The following ARAF variants were observed in gnomAD, a reference collection of about 807,000 sequenced individuals.
The protein encoded by ARAF is A-Raf proto-oncogene, serine/threonine kinase.
A neutral mutation model predicts 48.0 loss-of-function variants in ARAF; 18 were observed. The ratio of observed to expected loss-of-function variants is 0.37; its 90% CI spans 0.26 to 0.56. ARAF has a LOEUF of 0.56. ARAF is among the 20% of genes least tolerant of loss of function. ARAF has a pLI of 0.77. For missense variants in ARAF, 389 were observed against 543.1 expected (o/e 0.72, Z 2.82); for synonymous variants, 207 against 220.1 (o/e 0.94, Z 0.53).
At chrX:47,566,583 G>A (rs1176946964) in intron 6 of ARAF, 56 bp from the exon 7 acceptor site, 4 of 1,102,304 alleles carry the variant, frequency 3.6e-6, no homozygotes, top group East Asian at 3.2e-5. Context: ...GTGGGGTGGG[G>A]GGCTTTCTCG....
chrX:47,566,968 T>A lies in ARAF; in HGVS notation c.728-18T>A. On this transcript the variant is annotated intron_variant, in intron 8 of 15. Transcript: ENST00000377045. Reference sequence around the variant, plus strand: ...GCTGCCCCACTTACCTCCACTCACATCCTCTCTGCAACTGCAGCTGCCGGT... The same window carrying A: ...GCTGCCCCACTTACCTCCACTCACAACCTCTCTGCAACTGCAGCTGCCGGT... The A allele has an allele frequency of 8.3e-7, 1 of 1,210,985 alleles. No individual in the cohort carries two copies.
chrX:47,565,376 G>C (rs780124992), intron 6 of ARAF, 26 bp downstream of exon 6: 2 of 1,198,189 alleles, frequency 1.7e-6, no homozygotes, highest in East Asian at 6.0e-5. Context: ...CTGAAGAGCT[G>C]CTGGGGGAGA....
At position 47,562,897 on chromosome X, in the gene ARAF, G is replaced by A. The variant is rs758823877; in HGVS notation, c.-59-12G>A. 2.4e-6 allele frequency: 2 copies of A among 831,170 alleles called. No homozygotes were observed. The highest frequency in any genetic ancestry group is 5.2e-5 in the South Asian group (2 of 38,185). 68.5% of individuals were successfully genotyped at this position (831,170 alleles called of 1,213,427 possible). A position where few individuals can be genotyped will look rare whatever the true frequency, so the allele number is the denominator to read the frequency against. On this transcript the variant is annotated splice_polypyrimidine_tract_variant and intron_variant, in intron 1 of 15. Coordinates refer to ENST00000377045, the MANE Select transcript of ARAF (RefSeq NM_001654.5). ...TTATTGGACCTCTGAATTCTTGTCTGCCTTCTTGTAGGAGCCCCATGGCAC... is the reference window on the plus strand; with the variant it reads ...TTATTGGACCTCTGAATTCTTGTCTACCTTCTTGTAGGAGCCCCATGGCAC...
At chrX:47,571,149 A>G in intron 15 of ARAF, 137 bp downstream of exon 15, 1 of 917,872 alleles carries the variant, frequency 1.1e-6, no homozygotes, top group Middle Eastern at 3.5e-4. Context: ...GTGTTTCACC[A>G]TGAGGCTGGG....
At chrX:47,570,777 C>A in intron 14 of ARAF, 101 bp from the exon 15 acceptor site, 1 of 867,395 alleles carries the variant, frequency 1.2e-6, no homozygotes, top group Non-Finnish European at 1.6e-6. Context: ...AGTACCCCAG[C>A]TCGCTAAAAA....
intron 15 of ARAF, 119 bp from the exon 16 acceptor site, chrX:47,571,204 G>C (rs1603048303): frequency 6.0e-6 from 6 of 1,006,302 alleles, no homozygotes; most frequent in East Asian, 6.5e-5. Flanking sequence ...ATGAGGCTGG[G>C]ACTGTTGGGT....
chrX:47,561,973 C>A (rs763811160), intron 1 of ARAF, among the ~76,000 whole-genome samples: 8 of 95,918 alleles, frequency 8.3e-5, no homozygotes, highest in East Asian at 3.7e-4. Flanking sequence ...GTAGTGACCC[C>A]CCCCCCCCAT....
At chrX:47,571,163 G>A in intron 15 of ARAF, 151 bp downstream of exon 15, 1 of 975,205 alleles carries the variant, frequency 1.0e-6, no homozygotes, top group Non-Finnish European at 1.4e-6. Context: ...GGCTGGGACT[G>A]TTGGGGGTGT....
Position 47,565,353 on chromosome X carries a change from A to G in ARAF, c.557+3A>G. 8.3e-7 allele frequency: 1 copy of G among 1,208,796 alleles called. No individual in the cohort carries two copies. The highest frequency in any genetic ancestry group is 1.1e-6 in the Non-Finnish European group (1 of 893,270). On this transcript the variant is annotated splice_donor_region_variant and intron_variant, in intron 6 of 15. Coordinates refer to ENST00000377045, the MANE Select transcript of ARAF (RefSeq NM_001654.5). ...TTGCTAACCCCCCAGGGTCCCAGGT[A>G]GGGATGCCTTAGCTGAAGAGCTGCT...
Position 47,569,936 on chromosome X carries a change from T to A in ARAF, c.1463T>A (p.Phe488Tyr), listed in dbSNP as rs1343302524. ...IRMQDPNPYS[F>Y]QSDVYAYGVV... ...ATGCAGGACCCGAACCCCTACAGCT[T>A]CCAGTCAGACGTCTATGCCTACGGG... is the stretch of plus-strand genomic sequence containing the variant. Residue 488 changes from phenylalanine to tyrosine, a missense_variant, in exon 14 of 16, where the codon TTC (phenylalanine) becomes TAC (tyrosine). Phe to Tyr is a conservative substitution (Grantham distance 22). Around this residue, in one of 4 missense-constraint regions of ARAF, gnomAD observed 170 missense variants for 281.4 expected, o/e 0.60. Transcript: ENST00000377045. 6.6e-6 allele frequency: 8 copies of A among 1,206,529 alleles called. No homozygotes were observed. The highest frequency in any genetic ancestry group is 9.0e-6 in the Non-Finnish European group (8 of 893,190).
At chrX:47,566,359 G>T (rs1284503482) in intron 6 of ARAF, among the ~76,000 whole-genome samples, 1 of 111,375 alleles carries the variant, frequency 9.0e-6, no homozygotes, top group Non-Finnish European at 1.9e-5. Context: ...TTTCTTTATT[G>T]CACCTATCAC....
In ARAF at chrX:47,563,517, G is replaced by T. The variant is rs189699904; in HGVS notation, c.200+188G>T. On this transcript the variant is annotated intron_variant, in intron 3 of 15. Coordinates refer to ENST00000377045, the MANE Select transcript of ARAF (RefSeq NM_001654.5). ...GATGCTTGAAACCATAGATAGTACC[G>T]AACCCAATTGCTATCAGTCGGAACA... 2.7e-5 allele frequency among the ~76,000 whole-genome samples: 3 copies of T among 111,829 alleles called. No individual in the cohort carries two copies. In the East Asian group the frequency reaches 8.4e-4, roughly 31 times the overall value.
rs747148984 is a variant in ARAF, at chrX:47,566,872, CTCT to C, written c.700-5_700-3del. The stretch of plus-strand genomic sequence containing the variant: ...CATGCCCTCTTTTTGACTCCTGTCC[CTCT>C]TCTTCTAGCTCACTGGCCAGAGTTT... On this transcript the variant is annotated splice_polypyrimidine_tract_variant and intron_variant, in intron 7 of 15. Transcript: ENST00000377045. The C allele has an allele frequency of 1.7e-5, 21 of 1,209,929 alleles. No individual in the cohort carries two copies. The highest frequency in any genetic ancestry group is 5.3e-5 in the African/African-American group (3 of 57,081).
chrX:47,565,240 C>T lies in ARAF; in HGVS notation c.459-12C>T, dbSNP rs1050828066. On this transcript the variant is annotated splice_polypyrimidine_tract_variant and intron_variant, in intron 5 of 15. Coordinates refer to ENST00000377045, the MANE Select transcript of ARAF (RefSeq NM_001654.5). ...CCGTGTCCCCTTGCTTTATACCCTTCATGCCCTCAAGGTTCTACCACAGTG... is the reference window on the plus strand; with the variant it reads ...CCGTGTCCCCTTGCTTTATACCCTTTATGCCCTCAAGGTTCTACCACAGTG... 1 of 1,209,295 alleles carries T rather than the reference C, an allele frequency of 8.3e-7. No individual in the cohort carries two copies. Among genetic ancestry groups the T allele is most frequent in the African/African-American group, 1.8e-5 (1 of 56,997 alleles).
chrX:47,571,278 C>T, intron 15 of ARAF, 45 bp from the exon 16 acceptor site: 1 of 1,177,074 alleles, frequency 8.5e-7, no homozygotes, highest in South Asian at 1.9e-5. Flanking sequence ...TGTTGGGATG[C>T]CCACAGGGCT....
At chrX:47,563,138 G>A (rs1389419498) in intron 2 of ARAF, 75 bp downstream of exon 2, 8 of 1,143,407 alleles carry the variant, frequency 7.0e-6, no homozygotes, top group Admixed American at 2.5e-5. Context: ...GGGTGACAAC[G>A]GTTGGGGGAG....
Position 47,571,091 on chromosome X carries a change from T to C in ARAF, c.1686+79T>C, listed in dbSNP as rs1400866232. ...AGACTGAGATGGAGGCAGATGTGAATATGAAAGCTCAGAGGTATAGTGTGT... is the reference window on the plus strand; with the variant it reads ...AGACTGAGATGGAGGCAGATGTGAACATGAAAGCTCAGAGGTATAGTGTGT... On this transcript the variant is annotated intron_variant, in intron 15 of 15. Coordinates refer to ENST00000377045, the MANE Select transcript of ARAF (RefSeq NM_001654.5). The C allele has an allele frequency of 7.2e-6, 8 of 1,106,347 alleles. No homozygotes were observed. In the African/African-American group the frequency reaches 1.3e-4, roughly 18 times the overall value. The allele number at this position is 1,106,347 out of a possible 1,213,427, so 91.2% of individuals were successfully genotyped here.
At chrX:47,561,907 C>T (rs775997759) in intron 1 of ARAF, among the ~76,000 whole-genome samples, 1 of 107,588 alleles carries the variant, frequency 9.3e-6, no homozygotes, top group Non-Finnish European at 1.9e-5. Context: ...CATTTCCACC[C>T]TTCTCCCCAT....
intron 1 of ARAF, 94 bp from the exon 2 acceptor site, chrX:47,562,815 A>G (rs2057715967): frequency 4.4e-6 from 2 of 458,712 alleles, no homozygotes. Context: ...AGGGGGCGAC[A>G]GGAGCCTGGA....
Sources: allele counts gnomAD v4.1 joint callset (sites outside exome capture counted in the v4.1 genomes callset), GRCh38; gene constraint gnomAD v4.1.1; regional missense constraint gnomAD v4.1.1; transcripts MANE v1.5; gene names NCBI Gene and HGNC (gene_info 2026-07-23, HGNC 2026-07-21).